Variants in LPCAT1 observed in about 807,000 individuals in gnomAD.
The protein encoded by LPCAT1 is lysophosphatidylcholine acyltransferase 1.
In LPCAT1, 23 loss-of-function variants were observed where a neutral mutation model predicts 60.9. That is an observed-to-expected ratio of 0.38 (90% CI 0.27 to 0.53). The LOEUF (loss-of-function observed/expected upper bound fraction) is 0.53. LPCAT1 is among the 20% of genes least tolerant of loss of function. The pLI, the probability that LPCAT1 is intolerant of heterozygous loss-of-function variation, is 0.82. For missense variants in LPCAT1, 622 were observed against 723.6 expected, an observed-to-expected ratio of 0.86 and a Z score of 1.61; for synonymous variants, 340 against 301.1, an observed-to-expected ratio of 1.13 and a Z score of -1.34.
intron 3 of LPCAT1, among the ~76,000 whole-genome samples, chr5:1,491,049 C>T (rs1735559067): frequency 6.6e-6 from 1 of 151,720 alleles, no homozygotes; most frequent in Non-Finnish European, 1.5e-5. Context: ...TTCTCTCCTC[C>T]AAGAACGAGA....
rs765629260 is a variant in LPCAT1 at position 1,466,803 on chromosome 5, C to G, written c.1366G>C (p.Val456Leu). 1.2e-6 allele frequency: 2 copies of G among 1,613,128 alleles called. No individual in the cohort carries two copies. Among genetic ancestry groups the G allele is most frequent in the African/African-American group, 1.3e-5 (1 of 74,920 alleles). ...KTALGVAELT[V>L]TDLFRAIDQE... ...TCAATGGCTCGGAATAGGTCGGTCACGGTGAGCTCTGCCACCCCCAGGGCC... is the reference window on the plus strand; with the variant it reads ...TCAATGGCTCGGAATAGGTCGGTCAGGGTGAGCTCTGCCACCCCCAGGGCC... Residue 456 changes from valine (V) to leucine (L), a missense_variant, in exon 13 of 14, where the codon GTG becomes CTG. By Grantham distance (32) the Val-to-Leu change is conservative. Around this residue, in one of 3 missense-constraint regions of LPCAT1, gnomAD observed 288 missense variants for 283.6 expected, o/e 1.02. Coordinates refer to ENST00000283415, the MANE Select transcript of LPCAT1 (RefSeq NM_024830.5).
intron 1 of LPCAT1, among the ~76,000 whole-genome samples, chr5:1,509,438 C>T (rs1350574224): frequency 1.3e-5 from 2 of 152,244 alleles, no homozygotes; most frequent in African/African-American, 4.8e-5. Context: ...GCCTGCTGTC[C>T]AAGGTCTAAT....
chr5:1,464,654 CACACA>C (rs1309382174), intron 13 of LPCAT1, among the ~76,000 whole-genome samples: 3 of 140,568 alleles, frequency 2.1e-5, no homozygotes, highest in South Asian at 2.4e-4. Context: ...CACACACACA[CACACA>C]AAAGCACGCA....
In LPCAT1 at chr5:1,463,514, C is replaced by T. The variant is rs1579743241; in HGVS notation, c.*137G>A. 3 of 889,880 alleles carry T rather than the reference C, an allele frequency of 3.4e-6. No homozygotes were observed. Among genetic ancestry groups the T allele is most frequent in the Non-Finnish European group, 3.4e-6 (2 of 592,804 alleles). The allele number at this position is 889,880 out of a possible 1,614,324, so 55.1% of individuals were successfully genotyped here. A position where few individuals can be genotyped will look rare whatever the true frequency, so the allele number is the denominator to read the frequency against. On this transcript the variant is annotated 3_prime_UTR_variant, in exon 14 of 14. Transcript: ENST00000283415. Reference sequence around the variant, plus strand: ...AAAGGAACAAGATACAAACAGCCCCCGAGGCCCCTGGAACTCGGGCTGAAG... The same window carrying T: ...AAAGGAACAAGATACAAACAGCCCCTGAGGCCCCTGGAACTCGGGCTGAAG...
At position 1,483,552 on chromosome 5, in the gene LPCAT1, TCATGCTGC is replaced by T. The variant is rs1189749830; in HGVS notation, c.668-74_668-67del. 29 of 1,528,314 alleles carry T rather than the reference TCATGCTGC, an allele frequency of 1.9e-5. No homozygotes were observed. The highest frequency in any genetic ancestry group is 2.6e-5 in the Non-Finnish European group (29 of 1,106,980). The allele number at this position is 1,528,314 out of a possible 1,614,324, so 94.7% of individuals were successfully genotyped here. A position where few individuals can be genotyped will look rare whatever the true frequency, so the allele number is the denominator to read the frequency against. On this transcript the variant is annotated intron_variant, in intron 5 of 13. Coordinates refer to ENST00000283415, the MANE Select transcript of LPCAT1 (RefSeq NM_024830.5). The surrounding 1 kb of genome is among the most constrained non-coding windows in gnomAD (Gnocchi z 9.2). Reference sequence around the variant, plus strand: ...CGCAGGACAGCGTCTGCTGCGTTTCTCATGCTGCCCTTGGGATAAAAGTGAGCTTTTCT... The same window carrying T: ...CGCAGGACAGCGTCTGCTGCGTTTCTCCTTGGGATAAAAGTGAGCTTTTCT...
At chr5:1,482,120 G>A (rs1224404594) in intron 6 of LPCAT1, among the ~76,000 whole-genome samples, 1 of 148,882 alleles carries the variant, frequency 6.7e-6, no homozygotes, top group African/African-American at 2.6e-5. Flanking sequence ...AACCTGCAGT[G>A]AGCCCAGCAC....
intron 4 of LPCAT1, 97 bp downstream of exon 4, chr5:1,489,649 C>T: frequency 1.1e-6 from 1 of 918,290 alleles, no homozygotes; most frequent in Non-Finnish European, 1.8e-6. Context: ...CAGAATCCAG[C>T]CCCGGAGGAA....
At chr5:1,512,942 G>A (rs967137552) in intron 1 of LPCAT1, among the ~76,000 whole-genome samples, 1 of 152,238 alleles carries the variant, frequency 6.6e-6, no homozygotes, top group African/African-American at 2.4e-5. Flanking sequence ...CACAGGTGCA[G>A]CCCGTGTAAA....
rs887963877 is a variant in LPCAT1, at chr5:1,487,489, A to T, written c.667+902T>A. 3.3e-5 allele frequency among the ~76,000 whole-genome samples: 5 copies of T among 152,130 alleles called. No homozygotes were observed. The highest frequency in any genetic ancestry group is 5.9e-5 in the Non-Finnish European group (4 of 68,026). On this transcript the variant is annotated intron_variant, in intron 5 of 13. Transcript: ENST00000283415. This position sits in a 1 kb window ranked among gnomAD's most constrained non-coding sequence, Gnocchi z 6.1. Reference sequence around the variant, plus strand: ...TGGAGGGTGAAAGCACGCGCATCTGAGCTGGAGGAGGATGGCCACAGGCTC... The same window carrying T: ...TGGAGGGTGAAAGCACGCGCATCTGTGCTGGAGGAGGATGGCCACAGGCTC...
intron 11 of LPCAT1, among the ~76,000 whole-genome samples, chr5:1,471,774 A>G (rs929088847): frequency 1.3e-5 from 2 of 151,040 alleles, no homozygotes; most frequent in Non-Finnish European, 3.0e-5. Flanking sequence ...GATAGGGGGG[A>G]GGACTCTGGC....
intron 1 of LPCAT1, among the ~76,000 whole-genome samples, chr5:1,519,324 T>C (rs1047299032): frequency 6.6e-6 from 1 of 152,254 alleles, no homozygotes; most frequent in Admixed American, 6.5e-5. Context: ...TGTGTATGCA[T>C]GTGTGTACAC....
chr5:1,503,118 C>T (rs180942217), intron 1 of LPCAT1, among the ~76,000 whole-genome samples: 32 of 152,290 alleles, frequency 2.1e-4, no homozygotes, highest in Non-Finnish European at 2.1e-4. Flanking sequence ...CTGTTGGGTA[C>T]GCAGATCTAG....
intron 6 of LPCAT1, among the ~76,000 whole-genome samples, chr5:1,482,989 C>T (rs1353445344): frequency 6.6e-6 from 1 of 152,214 alleles, no homozygotes; most frequent in East Asian, 1.9e-4. Context: ...CTCCGCCTTC[C>T]AGAACTTAAA....
At position 1,494,882 on chromosome 5, in the gene LPCAT1, C is replaced by A; in HGVS notation, c.311G>T (p.Arg104Leu). 6.2e-7 allele frequency: 1 copy of A among 1,612,480 alleles called. No individual in the cohort carries two copies. Among genetic ancestry groups the A allele is most frequent in the Non-Finnish European group, 8.5e-7 (1 of 1,179,166 alleles). Residue 104 changes from arginine to leucine, a missense_variant, in exon 3 of 14, where the codon CGC becomes CTC. Arg to Leu is a moderately radical substitution (Grantham distance 102). This residue lies in a region of LPCAT1 where 209 missense variants were observed against 325.5 expected (regional missense o/e 0.64). Coordinates refer to ENST00000283415, the MANE Select transcript of LPCAT1 (RefSeq NM_024830.5). The part of the protein sequence containing the change: ...VVDFLLKAIM[R>L]TMWFAGGFHR... The stretch of plus-strand genomic sequence containing the variant: ...GAAGCCGCCGGCGAACCACATGGTG[C>A]GCATGATGGCCTTCAGCAGGAAGTC...
intron 13 of LPCAT1, among the ~76,000 whole-genome samples, chr5:1,465,343 AAC>A (rs1441761212): frequency 1.1e-4 from 15 of 136,410 alleles, no homozygotes; most frequent in Admixed American, 2.3e-4. Context: ...ACAGTAACTA[AAC>A]ACACATGCGC....
At chr5:1,490,138 G>T (rs571596364) in intron 3 of LPCAT1, among the ~76,000 whole-genome samples, 76 of 152,364 alleles carry the variant, frequency 5.0e-4, no homozygotes, top group Non-Finnish European at 8.5e-4. Context: ...CAGAACGGAG[G>T]TCAATGAAAG....
In LPCAT1 at chr5:1,463,560, G is replaced by A; in HGVS notation, c.*91C>T. On this transcript the variant is annotated 3_prime_UTR_variant, in exon 14 of 14. Transcript: ENST00000283415. Reference sequence around the variant, plus strand: ...TGAAGACAGTGCCTGTACAGCAGGAGTGAGGAGCGGAGCCCAGAGGTCACT... The same window carrying A: ...TGAAGACAGTGCCTGTACAGCAGGAATGAGGAGCGGAGCCCAGAGGTCACT... 3 of 1,388,560 alleles carry A rather than the reference G, an allele frequency of 2.2e-6. No homozygotes were observed. The highest frequency in any genetic ancestry group is 2.0e-6 in the Non-Finnish European group (2 of 1,008,406). The allele number at this position is 1,388,560 out of a possible 1,614,324, so 86.0% of individuals were successfully genotyped here.
At chr5:1,494,671 C>T (rs1450342179) in intron 3 of LPCAT1, 29 bp downstream of exon 3, 67 of 1,600,032 alleles carry the variant, frequency 4.2e-5, no homozygotes, top group Non-Finnish European at 5.7e-5. Flanking sequence ...GGCAGGGTCC[C>T]TCACTCCCAG....
intron 12 of LPCAT1, among the ~76,000 whole-genome samples, chr5:1,468,446 GC>G (rs1734530267): frequency 6.6e-6 from 1 of 152,200 alleles, no homozygotes; most frequent in East Asian, 1.9e-4. Context: ...AGTGCCTCCT[GC>G]CCCCTAGTGG....
Sources: gnomAD v4.1 joint callset for allele counts (sites outside exome capture counted in the v4.1 genomes callset) on GRCh38, gnomAD v4.1.1 for gene constraint, gnomAD v4.1.1 regional missense constraint, Gnocchi (gnomAD v3.1) non-coding constraint, MANE v1.5 for transcripts, NCBI Gene and HGNC (gene_info 2026-07-23, HGNC 2026-07-21) for gene names.